The following FANCC variants were observed in gnomAD, a reference collection of about 807,000 sequenced individuals.
The protein encoded by FANCC is Fanconi anemia group C protein.
Under a neutral mutation model 71.3 loss-of-function variants are expected in FANCC, and 55 were observed. The ratio of observed to expected loss-of-function variants is 0.77; its 90% CI spans 0.62 to 0.97. The LOEUF (loss-of-function observed/expected upper bound fraction) is 0.97, where lower values mean the gene tolerates loss of function less well. FANCC is among the 50% of genes least tolerant of loss of function. The pLI, the probability that FANCC is intolerant of heterozygous loss-of-function variation, is 0.00. For synonymous variants in FANCC, 275 were observed against 244.9 expected, an observed-to-expected ratio of 1.12 and a Z score of -1.15; for missense variants, 678 against 670.9, an observed-to-expected ratio of 1.01 and a Z score of -0.12.
chr9:95,211,384 C>A (rs1341815972), intron 4 of FANCC, among the ~76,000 whole-genome samples: 1 of 152,148 alleles, frequency 6.6e-6, no homozygotes, highest in Non-Finnish European at 1.5e-5. Context: ...GAGTTTTTGG[C>A]TGAATAATAA....
In FANCC at chr9:95,185,089, C is replaced by T. The variant is rs185405072; in HGVS notation, c.346-12942G>A. ...CCATATTATGACATACAGTGCATAC[C>T]CATTGGCTGGTGATAAAACTATTAT... On this transcript the variant is annotated intron_variant, in intron 4 of 14. Transcript: ENST00000289081. 2.4e-3 allele frequency among the ~76,000 whole-genome samples: 361 copies of T among 152,190 alleles called. 3 individuals are homozygous for T. The highest frequency in any genetic ancestry group is 8.3e-3 in the African/African-American group (344 of 41,514).
chr9:95,316,885 T>A (rs1835777080), intron 1 of FANCC: 1 of 152,080 alleles, frequency 6.6e-6, no homozygotes, highest in Admixed American at 6.6e-5. Context: ...ACAAAAAGAA[T>A]GGAGGGAAGA....
At chr9:95,308,737 G>A (rs1835211994) in intron 1 of FANCC, among the ~76,000 whole-genome samples, 1 of 152,122 alleles carries the variant, frequency 6.6e-6, no homozygotes, top group Admixed American at 6.6e-5. Flanking sequence ...ACATTAGATG[G>A]GTACAGCACA....
At chr9:95,168,583 T>C (rs1343613599) in intron 6 of FANCC, among the ~76,000 whole-genome samples, 1 of 152,202 alleles carries the variant, frequency 6.6e-6, no homozygotes, top group Admixed American at 6.5e-5. Flanking sequence ...CAGGCTGGAG[T>C]GCAGTGATGC....
intron 7 of FANCC, among the ~76,000 whole-genome samples, chr9:95,144,555 T>A (rs1273604771): frequency 6.6e-6 from 1 of 152,168 alleles, no homozygotes; most frequent in Non-Finnish European, 1.5e-5. Context: ...TTTTGGGGTT[T>A]CACAGAAGAC....
rs145917344 is a variant in FANCC, at chr9:95,147,865, C to T, written c.686+2058G>A. 9.8e-4 allele frequency among the ~76,000 whole-genome samples: 149 copies of T among 152,302 alleles called. 2 individuals are homozygous for T. Among genetic ancestry groups the T allele is most frequent in the African/African-American group, 3.5e-3 (146 of 41,566 alleles). On this transcript the variant is annotated intron_variant, in intron 7 of 14. Transcript: ENST00000289081. ...TAGAATCTCTGGACTTACTGTATTG[C>T]TTGTACTTGTCTGGTATCAGCACCA...
rs1834223019 is a variant in FANCC at position 95,293,993 on chromosome 9, C to T, written c.-79+23533G>A. ...CATAGTTTGTTACCTCAGAATGAGC[C>T]TAAGACTTTAAATCAAGAGATTGAG... On this transcript the variant is annotated intron_variant, in intron 1 of 14. Transcript: ENST00000289081. The T allele has an allele frequency of 2.5e-5, 39 of 1,591,564 alleles. No individual in the cohort carries two copies. The South Asian group carries it at 4.1e-4, about 17-fold the overall frequency.
At chr9:95,311,588 A>G (rs1216355539) in intron 1 of FANCC, among the ~76,000 whole-genome samples, 1 of 152,148 alleles carries the variant, frequency 6.6e-6, no homozygotes, top group East Asian at 1.9e-4. Flanking sequence ...GGGTCTCACA[A>G]TTTTGCCCAG....
intron 4 of FANCC, among the ~76,000 whole-genome samples, chr9:95,183,828 T>A (rs542987920): frequency 6.6e-6 from 1 of 152,230 alleles, no homozygotes; most frequent in Non-Finnish European, 1.5e-5. Context: ...TCAGCTGTAT[T>A]TAAATAGAAG....
chr9:95,200,048 CA>C (rs1827709385), intron 4 of FANCC, among the ~76,000 whole-genome samples: 1 of 152,044 alleles, frequency 6.6e-6, no homozygotes. Flanking sequence ...GGTGTAAATT[CA>C]GAGGATAAAC....
chr9:95,227,057 CT>C, intron 4 of FANCC, among the ~76,000 whole-genome samples: 1 of 152,168 alleles, frequency 6.6e-6, no homozygotes, highest in East Asian at 1.9e-4. Flanking sequence ...TACTCCATAG[CT>C]GTTCCTCCCC....
At chr9:95,114,347 G>A (rs2072218069) in intron 12 of FANCC, 2 of 451,856 alleles carry the variant, frequency 4.4e-6, no homozygotes, top group East Asian at 9.1e-5. Context: ...TTATTGTTAT[G>A]CCTGTATATT....
intron 1 of FANCC, among the ~76,000 whole-genome samples, chr9:95,299,458 A>G (rs188548741): frequency 3.3e-5 from 5 of 152,282 alleles, no homozygotes; most frequent in Admixed American, 3.3e-4. Context: ...TCCACATCTA[A>G]CCGCCTTCTT....
Position 95,101,231 on chromosome 9 carries a change from T to TTAAAA in FANCC, c.*475_*476insTTTTA. 3.8e-6 allele frequency: 1 copy of TTAAAA among 260,446 alleles called. No individual in the cohort carries two copies. The highest frequency in any genetic ancestry group is 4.7e-5 in the Admixed American group (1 of 21,072). The allele number at this position is 260,446 out of a possible 1,614,324, so 16.1% of individuals were successfully genotyped here. ...TGACTCCCCTTGAAGAATTTCTCCA[T>TTAAAA]ACAGCAAGACAGTGTGGCTTTATCC... is the stretch of plus-strand genomic sequence containing the variant. On this transcript the variant is annotated 3_prime_UTR_variant, in exon 15 of 15. Transcript: ENST00000289081.
intron 8 of FANCC, among the ~76,000 whole-genome samples, chr9:95,132,427 C>T (rs1056154603): frequency 2.0e-5 from 3 of 152,206 alleles, no homozygotes; most frequent in Non-Finnish European, 4.4e-5. Context: ...TCGGTGACAT[C>T]GGTTTTTAAG....
chr9:95,277,176 G>T (rs1367741516), intron 1 of FANCC, among the ~76,000 whole-genome samples: 1 of 152,126 alleles, frequency 6.6e-6, no homozygotes, highest in Admixed American at 6.6e-5. Context: ...GTTCTGTTTA[G>T]AAATAACTCC....
intron 1 of FANCC, among the ~76,000 whole-genome samples, chr9:95,266,653 T>A (rs918004794): frequency 1.3e-5 from 2 of 152,180 alleles, no homozygotes; most frequent in African/African-American, 2.4e-5. Flanking sequence ...TATGAATTTT[T>A]AAAAAATTAC....
intron 7 of FANCC, among the ~76,000 whole-genome samples, chr9:95,137,289 TG>T: frequency 6.6e-6 from 1 of 152,216 alleles, no homozygotes; most frequent in East Asian, 1.9e-4. Context: ...CTGCAGACCT[TG>T]TCCAGGGTTG....
intron 4 of FANCC, among the ~76,000 whole-genome samples, chr9:95,177,442 A>C (rs754162874): frequency 8.5e-5 from 13 of 152,180 alleles, no homozygotes; most frequent in Admixed American, 5.2e-4. Context: ...CTTCACAGAC[A>C]CTGTACACTT....
Sources: gnomAD v4.1 joint callset for allele counts (sites outside exome capture counted in the v4.1 genomes callset) on GRCh38, gnomAD v4.1.1 for gene constraint, MANE v1.5 for transcripts, NCBI Gene and HGNC (gene_info 2026-07-23, HGNC 2026-07-21) for gene names.